The following DOCK1 variants were observed in gnomAD, a reference collection of about 807,000 sequenced individuals.
The protein encoded by DOCK1 is dedicator of cytokinesis 1.
In DOCK1, 138 loss-of-function variants were observed where a neutral mutation model predicts 262.7. The ratio of observed to expected loss-of-function variants is 0.53; its 90% CI spans 0.46 to 0.61. The LOEUF (loss-of-function observed/expected upper bound fraction) is 0.61, where lower values mean the gene tolerates loss of function less well. Ranked by LOEUF, DOCK1 falls within the 20% of genes least tolerant of loss-of-function variation. The pLI is 0.00. For synonymous variants in DOCK1, 866 were observed against 867.4 expected (o/e 1.00, Z 0.03); for missense variants, 1,908 against 2,370.7 (o/e 0.80, Z 4.05).
chr10:127,433,161 T>C (rs2069416704), intron 47 of DOCK1, 122 bp from the exon 48 acceptor site: 2 of 1,370,536 alleles, frequency 1.5e-6, no homozygotes, highest in African/African-American at 2.9e-5. Flanking sequence ...ATGTACTGTT[T>C]ACAGAAGTCT....
rs186123524 is a variant in DOCK1, at chr10:126,992,882, C to G, written c.473+2279C>G. On this transcript the variant is annotated intron_variant, in intron 6 of 51. Transcript: ENST00000623213. The stretch of plus-strand genomic sequence containing the variant: ...TGCATTGGGCTTCCATGGACTTCAT[C>G]TCTCCATTGCCTTGCTGTGATAAGT... 2.0e-3 allele frequency among the ~76,000 whole-genome samples: 301 copies of G among 151,748 alleles called. 2 individuals carry two copies. The highest frequency in any genetic ancestry group is 6.9e-3 in the African/African-American group (287 of 41,410).
At position 126,977,946 on chromosome 10, in the gene DOCK1, A is replaced by G; in HGVS notation, c.131-2A>G. Reference sequence around the variant, plus strand: ...AACTGTTTCAACTTTGTGTTTGTTTAGGGTGGTACCGAGGTTACACGTTAC... The same window carrying G: ...AACTGTTTCAACTTTGTGTTTGTTTGGGGTGGTACCGAGGTTACACGTTAC... On this transcript the variant is annotated splice_acceptor_variant, in intron 2 of 51. Transcript: ENST00000623213. LOFTEE classifies it high-confidence loss of function. The G allele has an allele frequency of 6.2e-7, 1 of 1,613,960 alleles. No individual in the cohort carries two copies. Among genetic ancestry groups the G allele is most frequent in the Non-Finnish European group, 8.5e-7 (1 of 1,179,856 alleles).
chr10:126,967,197 C>G (rs1483395856), intron 1 of DOCK1, among the ~76,000 whole-genome samples: 1 of 152,310 alleles, frequency 6.6e-6, no homozygotes, highest in East Asian at 1.9e-4. Context: ...GTGACAACAT[C>G]TTAGATGCCA....
intron 12 of DOCK1, among the ~76,000 whole-genome samples, chr10:127,016,733 C>CCACACA (rs771716580): frequency 9.8e-4 from 56 of 57,046 alleles, no homozygotes; most frequent in African/African-American, 3.7e-3. Flanking sequence ...CACACACACA[C>CCACACA]CACACACACA....
intron 1 of DOCK1, among the ~76,000 whole-genome samples, chr10:126,939,056 C>CT (rs2034786145): frequency 3.8e-5 from 4 of 106,484 alleles, no homozygotes; most frequent in Admixed American, 1.1e-4. Context: ...GGGATGAACA[C>CT]CGGGGGGGGG....
chr10:127,284,121 A>G (rs1011877477), intron 29 of DOCK1, among the ~76,000 whole-genome samples: 4 of 152,152 alleles, frequency 2.6e-5, no homozygotes, highest in African/African-American at 9.7e-5. Context: ...CTGTTTTTGT[A>G]AACTATTTAC....
chr10:127,250,442 A>G (rs938818432), intron 28 of DOCK1, among the ~76,000 whole-genome samples: 3 of 147,310 alleles, frequency 2.0e-5, no homozygotes, highest in Non-Finnish European at 4.5e-5. Context: ...ATGTTTTTCC[A>G]TAGACACAAC....
At chr10:127,331,758 C>T (rs935899064) in intron 29 of DOCK1, among the ~76,000 whole-genome samples, 6 of 152,040 alleles carry the variant, frequency 3.9e-5, no homozygotes, top group Admixed American at 1.3e-4. Flanking sequence ...TTCACAGTTG[C>T]GAAAAGGTAG....
intron 38 of DOCK1, among the ~76,000 whole-genome samples, chr10:127,392,850 T>G (rs72842971): frequency 0.021 from 3,204 of 152,278 alleles, 45 homozygotes; most frequent in South Asian, 0.038. Context: ...AACACTAACT[T>G]GACTTTAGCA....
rs2067319743 is a variant in DOCK1, at chr10:127,403,138, A to G, written c.4011A>G (p.Glu1337=). ...NEMFDYEQLS[E]LLKKQAQFYE... is the part of the protein sequence containing the mutation. Reference sequence around the variant, plus strand: ...TGTTTGATTATGAGCAACTCAGCGAATTGCTGGTGAGTCTTTATTTCTTTT... The same window carrying G: ...TGTTTGATTATGAGCAACTCAGCGAGTTGCTGGTGAGTCTTTATTTCTTTT... Residue 1337 remains glutamate (E), a synonymous_variant, in exon 39 of 52, where the codon GAA becomes GAG. Coordinates refer to ENST00000623213, the MANE Select transcript of DOCK1 (RefSeq NM_001290223.2). 1.2e-6 allele frequency: 2 copies of G among 1,607,516 alleles called. No homozygotes were observed. Among genetic ancestry groups the G allele is most frequent in the East Asian group, 4.5e-5 (2 of 44,752 alleles).
intron 1 of DOCK1, among the ~76,000 whole-genome samples, chr10:126,967,243 G>A (rs2037740983): frequency 6.6e-6 from 1 of 152,172 alleles, no homozygotes; most frequent in Non-Finnish European, 1.5e-5. Flanking sequence ...GAGACAAGAA[G>A]TCGTTGCCCT....
At chr10:127,216,347 C>T (rs1296032129) in intron 27 of DOCK1, among the ~76,000 whole-genome samples, 1 of 151,642 alleles carries the variant, frequency 6.6e-6, no homozygotes, top group Non-Finnish European at 1.5e-5. Flanking sequence ...AACAAGCCCT[C>T]GAAACCAACC....
chr10:126,948,763 C>G (rs967917439), intron 1 of DOCK1, among the ~76,000 whole-genome samples: 2 of 152,058 alleles, frequency 1.3e-5, no homozygotes, highest in East Asian at 1.9e-4. Flanking sequence ...CTTCCCCTCC[C>G]TGGAATCATT....
chr10:127,174,266 A>G (rs1259239095), intron 27 of DOCK1, among the ~76,000 whole-genome samples: 1 of 152,206 alleles, frequency 6.6e-6, no homozygotes, highest in Non-Finnish European at 1.5e-5. Context: ...TACCTCCAGT[A>G]CACAGGCTAG....
At chr10:127,220,491 A>G (rs184792686) in intron 27 of DOCK1, among the ~76,000 whole-genome samples, 1 of 152,258 alleles carries the variant, frequency 6.6e-6, no homozygotes, top group Non-Finnish European at 1.5e-5. Context: ...AAGTCTATCC[A>G]TGCAATATTT....
intron 23 of DOCK1, among the ~76,000 whole-genome samples, chr10:127,103,881 A>T (rs191099993): frequency 6.6e-6 from 1 of 152,246 alleles, no homozygotes; most frequent in Non-Finnish European, 1.5e-5. Flanking sequence ...ACTCTCTTCT[A>T]AAGTTGCTGA....
At chr10:127,426,586 C>G (rs1007420587) in intron 47 of DOCK1, among the ~76,000 whole-genome samples, 1 of 152,110 alleles carries the variant, frequency 6.6e-6, no homozygotes, top group Admixed American at 6.5e-5. Flanking sequence ...GGGAGGAGAT[C>G]AAGAAGACAC....
chr10:127,386,517 A>T (rs4750845), intron 38 of DOCK1, among the ~76,000 whole-genome samples: 1 of 150,250 alleles, frequency 6.7e-6, no homozygotes, highest in Non-Finnish European at 1.5e-5. Context: ...GGAGAATGAT[A>T]CCTATTGTGA....
chr10:127,054,345 C>T (rs1229569289), intron 22 of DOCK1, among the ~76,000 whole-genome samples: 1 of 152,126 alleles, frequency 6.6e-6, no homozygotes, highest in Admixed American at 6.5e-5. Context: ...CTGGCGTGTC[C>T]ATGGTCAAAA....
Sources: allele counts gnomAD v4.1 joint callset (sites outside exome capture counted in the v4.1 genomes callset), GRCh38; gene constraint gnomAD v4.1.1; transcripts MANE v1.5; gene names NCBI Gene and HGNC (gene_info 2026-07-23, HGNC 2026-07-21).